Variants in ZDHHC20 observed in about 807,000 individuals in gnomAD.
ZDHHC20 encodes palmitoyltransferase ZDHHC20.
In ZDHHC20, 43 loss-of-function variants were observed where a neutral mutation model predicts 57.8. The ratio of observed to expected loss-of-function variants is 0.74; its 90% CI spans 0.58 to 0.96. ZDHHC20 has a LOEUF of 0.96. Among genes scored for constraint, ZDHHC20 ranks in the 40% least tolerant of loss-of-function variants. ZDHHC20 has a pLI of 0.00. For synonymous variants in ZDHHC20, 157 were observed against 153.0 expected (o/e 1.03, Z -0.19); for missense variants, 391 against 441.1 (o/e 0.89, Z 1.02).
At chr13:21,388,944 A>C (rs907334194) in intron 8 of ZDHHC20, among the ~76,000 whole-genome samples, 5 of 152,238 alleles carry the variant, frequency 3.3e-5, no homozygotes, top group Non-Finnish European at 7.3e-5. Flanking sequence ...GTGAGAAATA[A>C]AACCAGAAGG....
intron 4 of ZDHHC20, among the ~76,000 whole-genome samples, chr13:21,407,064 C>T (rs1429043125): frequency 1.3e-5 from 2 of 152,186 alleles, no homozygotes; most frequent in East Asian, 1.9e-4. Flanking sequence ...TCTCAGCTCA[C>T]TGCAACCTCC....
At chr13:21,403,329 C>T (rs909315116) in intron 4 of ZDHHC20, among the ~76,000 whole-genome samples, 1 of 151,558 alleles carries the variant, frequency 6.6e-6, no homozygotes, top group Non-Finnish European at 1.5e-5. Flanking sequence ...GCCATCCCTA[C>T]CCCAGATAAA....
At chr13:21,402,077 C>A (rs9506667) in intron 5 of ZDHHC20, among the ~76,000 whole-genome samples, 24,134 of 151,780 alleles carry the variant, frequency 0.16, 2,595 homozygotes, top group Non-Finnish European at 0.25. Context: ...CTGAAAAAAA[C>A]AAAATTCAGA....
intron 1 of ZDHHC20, among the ~76,000 whole-genome samples, chr13:21,432,585 G>A (rs1284595296): frequency 2.6e-5 from 4 of 152,058 alleles, no homozygotes; most frequent in African/African-American, 4.8e-5. Context: ...ACCTGCCTCG[G>A]CCTCCCAAAG....
In ZDHHC20 at chr13:21,376,584, GT is replaced by G. The variant is rs1486420402; in HGVS notation, c.*111del. 1.6e-6 allele frequency: 2 copies of G among 1,246,458 alleles called. No homozygotes were observed. The highest frequency in any genetic ancestry group is 3.1e-5 in the African/African-American group (2 of 64,444). 77.2% of individuals were successfully genotyped at this position (1,246,458 alleles called of 1,614,324 possible). A position where few individuals can be genotyped will look rare whatever the true frequency, so the allele number is the denominator to read the frequency against. ...AAAATATATCTTCTGTTATACTTCA[GT>G]TATTTCATTCCACTGATCATTTTCT... On this transcript the variant is annotated 3_prime_UTR_variant, in exon 13 of 13. Transcript: ENST00000400590.
At chr13:21,435,401 A>C (rs1227118619) in intron 1 of ZDHHC20, among the ~76,000 whole-genome samples, 1 of 152,178 alleles carries the variant, frequency 6.6e-6, no homozygotes, top group Non-Finnish European at 1.5e-5. Flanking sequence ...GAAAAGTATC[A>C]AACAATGCTG....
At chr13:21,392,212 T>TTAA (rs1223175536) in intron 7 of ZDHHC20, among the ~76,000 whole-genome samples, 1,534 of 95,804 alleles carry the variant, frequency 0.016, 18 homozygotes, top group Middle Eastern at 0.048. Context: ...CCCTGTCTCA[T>TTAA]AAAAAAAAAA....
chr13:21,435,581 T>C (rs1451913868), intron 1 of ZDHHC20, among the ~76,000 whole-genome samples: 3 of 152,222 alleles, frequency 2.0e-5, no homozygotes, highest in East Asian at 3.9e-4. Context: ...TGCATGCTGA[T>C]ATATGTGAGT....
At chr13:21,400,583 G>A in intron 6 of ZDHHC20, 90 bp from the exon 7 acceptor site, 1 of 1,357,334 alleles carries the variant, frequency 7.4e-7, no homozygotes. Context: ...CCAGGGGCTG[G>A]TGTGGTGTGG....
At chr13:21,445,165 G>A (rs1220837014) in intron 1 of ZDHHC20, among the ~76,000 whole-genome samples, 1 of 151,892 alleles carries the variant, frequency 6.6e-6, no homozygotes, top group African/African-American at 2.4e-5. Context: ...CCAAACACAA[G>A]ATTTGACTAG....
rs1430014321 is a variant in ZDHHC20, at chr13:21,375,231, C to A, written c.*1465G>T. On this transcript the variant is annotated 3_prime_UTR_variant, in exon 13 of 13. Transcript: ENST00000400590. The stretch of plus-strand genomic sequence containing the variant: ...GTCATCCAGTCCAACTTATTCACAA[C>A]ACCCCCTCCCCTGCAGTCCCATTTT... 6.6e-6 allele frequency: 3 copies of A among 453,484 alleles called. No individual in the cohort carries two copies. The highest frequency in any genetic ancestry group is 1.3e-5 in the Non-Finnish European group (3 of 225,626). 28.1% of individuals were successfully genotyped at this position (453,484 alleles called of 1,614,324 possible). A position where few individuals can be genotyped will look rare whatever the true frequency, so the allele number is the denominator to read the frequency against.
intron 5 of ZDHHC20, 74 bp downstream of exon 5, chr13:21,402,723 G>T: frequency 8.1e-7 from 1 of 1,238,714 alleles, no homozygotes; most frequent in Non-Finnish European, 1.2e-6. Flanking sequence ...CATATAAAAT[G>T]TTCCTTCCCC....
At chr13:21,387,894 T>C (rs1874864307) in intron 8 of ZDHHC20, among the ~76,000 whole-genome samples, 1 of 152,182 alleles carries the variant, frequency 6.6e-6, no homozygotes, top group Non-Finnish European at 1.5e-5. Flanking sequence ...TAGTATTGTG[T>C]GCTCAGTATC....
intron 9 of ZDHHC20, among the ~76,000 whole-genome samples, chr13:21,384,051 A>G (rs970348956): frequency 1.3e-5 from 2 of 151,920 alleles, no homozygotes; most frequent in Non-Finnish European, 2.9e-5. Flanking sequence ...AAGTTAAGTT[A>G]CAGCTTTCTG....
intron 2 of ZDHHC20, among the ~76,000 whole-genome samples, chr13:21,423,700 ATATAT>A (rs1033768657): frequency 1.7e-4 from 26 of 150,402 alleles, no homozygotes; most frequent in East Asian, 1.2e-3. Flanking sequence ...GAAAAAATAT[ATATAT>A]TATATGTATA....
At chr13:21,458,665 A>C (rs4770160) in intron 1 of ZDHHC20, among the ~76,000 whole-genome samples, 1 of 151,844 alleles carries the variant, frequency 6.6e-6, no homozygotes, top group South Asian at 2.1e-4. Flanking sequence ...TTGGTTTTTT[A>C]AAAAAAATGA....
intron 1 of ZDHHC20, among the ~76,000 whole-genome samples, chr13:21,428,197 G>A (rs1157581573): frequency 6.6e-6 from 1 of 151,992 alleles, no homozygotes; most frequent in African/African-American, 2.4e-5. Flanking sequence ...TTTTTATGGG[G>A]ATCCCAAAAT....
chr13:21,400,546 C>A, intron 6 of ZDHHC20, 53 bp from the exon 7 acceptor site: 1 of 1,509,342 alleles, frequency 6.6e-7, no homozygotes. Flanking sequence ...CACAAATTCA[C>A]AGAAATAGAA....
At chr13:21,440,640 G>GTA (rs1883045056) in intron 1 of ZDHHC20, among the ~76,000 whole-genome samples, 1 of 151,740 alleles carries the variant, frequency 6.6e-6, no homozygotes, top group Admixed American at 6.6e-5. Flanking sequence ...GTGTGTGTGT[G>GTA]TGTGTGTGTA....
Sources: allele counts gnomAD v4.1 joint callset (sites outside exome capture counted in the v4.1 genomes callset), GRCh38; gene constraint gnomAD v4.1.1; transcripts MANE v1.5; gene names NCBI Gene and HGNC (gene_info 2026-07-23, HGNC 2026-07-21).